TBC1D5: variants seen among roughly 807,000 people sequenced by gnomAD.
TBC1D5 encodes the protein TBC1 domain family member 5.
Under a neutral mutation model 100.3 loss-of-function variants are expected in TBC1D5, and 75 were observed. That is an observed-to-expected ratio of 0.75 (90% CI 0.62 to 0.91). The LOEUF is 0.91. TBC1D5 is among the 40% of genes least tolerant of loss of function. The probability of loss-of-function intolerance (pLI) is 0.00; values close to 1 mark genes in which losing one functional copy is unlikely to be tolerated. For synonymous variants in TBC1D5, 323 were observed against 325.6 expected (o/e 0.99, Z 0.09); for missense variants, 910 against 942.4 (o/e 0.97, Z 0.45).
At chr3:17,417,649 C>T (rs2094115699) in intron 4 of TBC1D5, among the ~76,000 whole-genome samples, 1 of 152,112 alleles carries the variant, frequency 6.6e-6, no homozygotes, top group South Asian at 2.1e-4. Flanking sequence ...CCGCAATAAA[C>T]ATACGTGTGC....
At chr3:17,546,608 C>CA (rs549427829) in intron 2 of TBC1D5, among the ~76,000 whole-genome samples, 1,718 of 139,518 alleles carry the variant, frequency 0.012, 16 homozygotes, top group African/African-American at 0.016. Context: ...TACTAAAATA[C>CA]AAAAAAAAAA....
chr3:17,576,722 C>T (rs551127074), intron 2 of TBC1D5, among the ~76,000 whole-genome samples: 2 of 152,040 alleles, frequency 1.3e-5, no homozygotes, highest in African/African-American at 4.8e-5. Flanking sequence ...CGTGTATACA[C>T]AAAATGAATC....
chr3:17,724,406 A>AT (rs1365124245), intron 1 of TBC1D5, among the ~76,000 whole-genome samples: 3 of 151,934 alleles, frequency 2.0e-5, no homozygotes, highest in Non-Finnish European at 2.9e-5. Flanking sequence ...AGATTGGCAA[A>AT]TTTTTTTCCA....
intron 2 of TBC1D5, among the ~76,000 whole-genome samples, chr3:17,552,980 C>T (rs2153453535): frequency 6.6e-6 from 1 of 152,150 alleles, no homozygotes; most frequent in East Asian, 1.9e-4. Flanking sequence ...AATGTTTTAG[C>T]CTGAAATCCT....
chr3:17,180,479 A>G (rs894453105), intron 19 of TBC1D5, among the ~76,000 whole-genome samples: 20 of 152,232 alleles, frequency 1.3e-4, no homozygotes, highest in African/African-American at 4.8e-4. Flanking sequence ...GTGTGACAAA[A>G]ACATAGGGCG....
chr3:17,429,736 T>C (rs1365895341), intron 3 of TBC1D5, among the ~76,000 whole-genome samples: 1 of 151,876 alleles, frequency 6.6e-6, no homozygotes, highest in African/African-American at 2.4e-5. Context: ...AAATGTAATT[T>C]TAATGACAGC....
At chr3:17,600,070 T>C (rs1246118553) in intron 2 of TBC1D5, among the ~76,000 whole-genome samples, 1 of 152,196 alleles carries the variant, frequency 6.6e-6, no homozygotes, top group Non-Finnish European at 1.5e-5. Context: ...GCTGAGAAAA[T>C]AGATCTTACC....
At chr3:17,726,870 G>A (rs981526012) in intron 1 of TBC1D5, among the ~76,000 whole-genome samples, 1 of 151,930 alleles carries the variant, frequency 6.6e-6, no homozygotes, top group African/African-American at 2.4e-5. Flanking sequence ...TCATTTTGTG[G>A]AACTACGTAA....
chr3:17,733,381 T>G (rs963602278), intron 1 of TBC1D5, among the ~76,000 whole-genome samples: 1 of 152,234 alleles, frequency 6.6e-6, no homozygotes, highest in Non-Finnish European at 1.5e-5. Context: ...TGAAATGTGA[T>G]TTTGCACAGT....
chr3:17,455,294 ATG>A (rs1576075290), intron 3 of TBC1D5, among the ~76,000 whole-genome samples: 1 of 146,624 alleles, frequency 6.8e-6, no homozygotes, highest in East Asian at 2.0e-4. Flanking sequence ...ATATGTATAT[ATG>A]TATGTATATA....
intron 17 of TBC1D5, among the ~76,000 whole-genome samples, chr3:17,216,341 A>G (rs1056022722): frequency 6.6e-6 from 1 of 152,060 alleles, no homozygotes; most frequent in African/African-American, 2.4e-5. Flanking sequence ...TTAATAGGAA[A>G]TCTTGCCTGC....
intron 3 of TBC1D5, among the ~76,000 whole-genome samples, chr3:17,449,283 C>T (rs2094869599): frequency 1.3e-5 from 2 of 152,194 alleles, no homozygotes; most frequent in Non-Finnish European, 2.9e-5. Context: ...CACCAGGGCC[C>T]CGGGTTTCAA....
intron 1 of TBC1D5, among the ~76,000 whole-genome samples, chr3:17,671,052 GAATA>G (rs886693334): frequency 2.0e-5 from 3 of 152,242 alleles, no homozygotes; most frequent in Non-Finnish European, 4.4e-5. Context: ...CTTAGGGCCA[GAATA>G]AATAATTTAC....
intron 15 of TBC1D5, among the ~76,000 whole-genome samples, chr3:17,259,771 G>C (rs904842587): frequency 1.3e-5 from 2 of 152,032 alleles, no homozygotes; most frequent in African/African-American, 4.8e-5. Flanking sequence ...TTCATCAAGC[G>C]AACAAGCCGC....
intron 3 of TBC1D5, among the ~76,000 whole-genome samples, chr3:17,489,631 C>T (rs182962312): frequency 3.9e-5 from 6 of 152,218 alleles, no homozygotes; most frequent in African/African-American, 9.6e-5. Context: ...TCACCACAAC[C>T]GCCATGTCCA....
chr3:17,475,184 A>C (rs534509052), intron 3 of TBC1D5, among the ~76,000 whole-genome samples: 2,317 of 130,058 alleles, frequency 0.018, 53 homozygotes, highest in African/African-American at 0.074. Flanking sequence ...GCCCCGCCCC[A>C]CCCGTTTATA....
chr3:17,646,891 G>A (rs560727973), intron 1 of TBC1D5: 1 of 151,734 alleles, frequency 6.6e-6, no homozygotes, highest in South Asian at 2.1e-4. Context: ...ACCCTCCCCT[G>A]TTCCAACCCC....
intron 4 of TBC1D5, among the ~76,000 whole-genome samples, chr3:17,410,126 T>G (rs1559826513): frequency 1.3e-5 from 2 of 152,100 alleles, no homozygotes; most frequent in African/African-American, 4.8e-5. Flanking sequence ...GTGACTAAAC[T>G]GAAGCCAATC....
chr3:17,388,421 T>C (rs1409005248), intron 8 of TBC1D5, among the ~76,000 whole-genome samples: 1 of 152,238 alleles, frequency 6.6e-6, no homozygotes, highest in East Asian at 1.9e-4. Flanking sequence ...ACCCATCAGC[T>C]AGCTTCAGCA....
Sources: gnomAD v4.1 joint callset for allele counts (sites outside exome capture counted in the v4.1 genomes callset) on GRCh38, gnomAD v4.1.1 for gene constraint, MANE v1.5 for transcripts, NCBI Gene and HGNC (gene_info 2026-07-23, HGNC 2026-07-21) for gene names.